FAM210B: variants seen among roughly 807,000 people sequenced by gnomAD.
FAM210B encodes the protein mitochondrial inner membrane scaffold 2, also known as family with sequence similarity 210 member B.
In FAM210B, 11 loss-of-function variants were observed where a neutral mutation model predicts 14.9. The observed-to-expected ratio is 0.74, with a 90% CI of 0.46 to 1.22. FAM210B has a LOEUF of 1.22. FAM210B is among the 50% of genes most tolerant of loss of function. FAM210B has a pLI of 0.00. For synonymous variants in FAM210B, 113 were observed against 110.2 expected, an observed-to-expected ratio of 1.03 and a Z score of -0.16; for missense variants, 229 against 250.1, an observed-to-expected ratio of 0.92 and a Z score of 0.57.
intron 1 of FAM210B, among the ~76,000 whole-genome samples, 175 bp from the exon 2 acceptor site, chr20:56,364,912 C>G (rs541897092): frequency 6.6e-6 from 1 of 152,144 alleles, no homozygotes; most frequent in Non-Finnish European, 1.5e-5. Context: ...CACAATCATG[C>G]CACTGCACTC....
intron 2 of FAM210B, among the ~76,000 whole-genome samples, chr20:56,365,697 G>A (rs1035097723): frequency 6.6e-6 from 1 of 152,148 alleles, no homozygotes; most frequent in Non-Finnish European, 1.5e-5. Context: ...GTAGAGCCAG[G>A]GTTTCACCCT....
chr20:56,360,846 G>C (rs118171780), intron 1 of FAM210B: 2,453 of 153,634 alleles, frequency 0.016, 41 homozygotes, highest in Non-Finnish European at 0.02. Flanking sequence ...AGCAGGGCCT[G>C]GGAGCAGTGC....
Position 56,359,485 on chromosome 20 carries a change from C to T in FAM210B, c.186+294C>T, listed in dbSNP as rs930512922. Among the ~76,000 whole-genome samples the T allele has an allele frequency of 6.6e-6, 1 of 152,208 alleles. No individual in the cohort carries two copies. Among genetic ancestry groups the T allele is most frequent in the African/African-American group, 2.4e-5 (1 of 41,464 alleles). On this transcript the variant is annotated intron_variant, in intron 1 of 2. Transcript: ENST00000371384. This position sits in a 1 kb window ranked among gnomAD's most constrained non-coding sequence, Gnocchi z 4.3. ...AGCCTCAGCCAGGCTGGGGCGCAGCCGACTGACTTGGTCTGAACTTCCACA... is the reference window on the plus strand; with the variant it reads ...AGCCTCAGCCAGGCTGGGGCGCAGCTGACTGACTTGGTCTGAACTTCCACA...
In FAM210B at chr20:56,362,219, G is replaced by A. The variant is rs1313871428; in HGVS notation, c.187-2868G>A. On this transcript the variant is annotated intron_variant, in intron 1 of 2. Transcript: ENST00000371384. This position sits in a 1 kb window ranked among gnomAD's most constrained non-coding sequence, Gnocchi z 4.8. ...AAACAGGTGTCACTCCAAACACTGC[G>A]ATCGGCTTGGCAAGGTCCTTGGCTC... 1.3e-5 allele frequency among the ~76,000 whole-genome samples: 2 copies of A among 152,054 alleles called. No individual in the cohort carries two copies. The highest frequency in any genetic ancestry group is 6.6e-5 in the Admixed American group (1 of 15,266).
rs899469478 is a variant in FAM210B, at chr20:56,366,707, A to G, written c.*420A>G. On this transcript the variant is annotated 3_prime_UTR_variant, in exon 3 of 3. Transcript: ENST00000371384. ...TCCCCTTCCGCTGATATTTGTTGTC[A>G]GCTGCCTACAGTTTAATATGCAGCG... 1 of 172,338 alleles carries G rather than the reference A, an allele frequency of 5.8e-6. No individual in the cohort carries two copies. The highest frequency in any genetic ancestry group is 1.2e-5 in the Non-Finnish European group (1 of 80,444). The allele number at this position is 172,338 out of a possible 1,614,324, so 10.7% of individuals were successfully genotyped here.
chr20:56,361,237 G>T (rs1983526089), intron 1 of FAM210B, among the ~76,000 whole-genome samples: 1 of 152,152 alleles, frequency 6.6e-6, no homozygotes, highest in Non-Finnish European at 1.5e-5. Context: ...TTTTCAGGGA[G>T]ACCTTCCCTG....
chr20:56,364,155 T>G (rs1357080200), intron 1 of FAM210B, among the ~76,000 whole-genome samples: 1 of 152,242 alleles, frequency 6.6e-6, no homozygotes, highest in African/African-American at 2.4e-5. Context: ...GATGAGCACA[T>G]AACCTGGTGG....
rs550490921 is a variant in FAM210B, at chr20:56,361,904, G to A, written c.186+2713G>A. The stretch of plus-strand genomic sequence containing the variant: ...AGGCAGGAGAATCGCTTGAACCCGG[G>A]AGGCGGAGGTTGCAGTGAGCCAAGG... On this transcript the variant is annotated intron_variant, in intron 1 of 2. Transcript: ENST00000371384. 2.4e-3 allele frequency among the ~76,000 whole-genome samples: 367 copies of A among 152,280 alleles called. 4 individuals carry two copies. The highest frequency in any genetic ancestry group is 8.2e-3 in the African/African-American group (341 of 41,556).
chr20:56,364,760 C>T (rs910650803), intron 1 of FAM210B, among the ~76,000 whole-genome samples: 4 of 152,168 alleles, frequency 2.6e-5, no homozygotes, highest in African/African-American at 4.8e-5. Flanking sequence ...CAAGACCAAC[C>T]TGGCTAACAC....
chr20:56,366,259 T>A lies in FAM210B; in HGVS notation c.551T>A (p.Phe184Tyr), dbSNP rs1481279794. ...GTCAGATATTTTCGAAAAGTGGGAT[T>A]TTTTAAACCTCCAGCTGCAAAACCT... ...LIVRYFRKVG[F>Y]FKPPAAKP is the part of the protein sequence containing the mutation. Residue 184 changes from phenylalanine to tyrosine, a missense_variant, in exon 3 of 3, where the codon TTT becomes TAT. Transcript: ENST00000371384. The A allele has an allele frequency of 1.9e-6, 3 of 1,614,098 alleles. No individual in the cohort carries two copies. The African/African-American group carries it at 4.0e-5, about 22-fold the overall frequency.
At chr20:56,361,431 C>T (rs1983529879) in intron 1 of FAM210B, among the ~76,000 whole-genome samples, 1 of 152,190 alleles carries the variant, frequency 6.6e-6, no homozygotes, top group African/African-American at 2.4e-5. Context: ...CTGTCCCCTA[C>T]ACTGAGAACA....
chr20:56,359,853 C>A lies in FAM210B; in HGVS notation c.186+662C>A, dbSNP rs938011266. Among the ~76,000 whole-genome samples, 10 of 152,252 alleles carry A rather than the reference C, an allele frequency of 6.6e-5. No individual in the cohort carries two copies. The highest frequency in any genetic ancestry group is 1.5e-5 in the Non-Finnish European group (1 of 68,038). On this transcript the variant is annotated intron_variant, in intron 1 of 2. Transcript: ENST00000371384. This position sits in a 1 kb window ranked among gnomAD's most constrained non-coding sequence, Gnocchi z 4.3. ...CCAGACACGCGGAGCCGGCGTCCAG[C>A]CCGGAGCGCATCCGGCCTGGCAGTC...
At chr20:56,365,376 C>G in intron 2 of FAM210B, 114 bp downstream of exon 2, 1 of 1,149,906 alleles carries the variant, frequency 8.7e-7, no homozygotes, top group Non-Finnish European at 1.2e-6. Flanking sequence ...ACTCCACTGC[C>G]CAGGCTGGAG....
intron 1 of FAM210B, among the ~76,000 whole-genome samples, chr20:56,364,557 T>C (rs1983592133): frequency 6.6e-6 from 1 of 152,214 alleles, no homozygotes; most frequent in African/African-American, 2.4e-5. Flanking sequence ...AGGTGACATA[T>C]TCACAGATCC....
Position 56,368,461 on chromosome 20 carries a change from G to A in FAM210B, c.*2174G>A, listed in dbSNP as rs1389779398. On this transcript the variant is annotated 3_prime_UTR_variant, in exon 3 of 3. Transcript: ENST00000371384. ...GCAATAAAACAAATCATACCAAAAA[G>A]CCACATTGCTCTCTCCTAAGCCCCA... 1 of 152,118 alleles carries A rather than the reference G, an allele frequency of 6.6e-6. No individual in the cohort carries two copies. The highest frequency in any genetic ancestry group is 1.5e-5 in the Non-Finnish European group (1 of 68,040). 9.4% of individuals were successfully genotyped at this position (152,118 alleles called of 1,614,324 possible). A position where few individuals can be genotyped will look rare whatever the true frequency, so the allele number is the denominator to read the frequency against.
rs140054383 is a variant in FAM210B at position 56,363,552 on chromosome 20, G to A, written c.187-1535G>A. Among the ~76,000 whole-genome samples, 22 of 152,344 alleles carry A rather than the reference G, an allele frequency of 1.4e-4. No individual in the cohort carries two copies. The highest frequency in any genetic ancestry group is 4.8e-4 in the African/African-American group (20 of 41,584). ...TCCAGCCAGGTGCGCATCACCTGCC[G>A]GGACAAGCCCCAGGACTGTCCTTAG... On this transcript the variant is annotated intron_variant, in intron 1 of 2. Coordinates refer to ENST00000371384, the MANE Select transcript of FAM210B (RefSeq NM_080821.3). The surrounding 1 kb of genome is among the most constrained non-coding windows in gnomAD (Gnocchi z 4.1).
In FAM210B at chr20:56,367,225, A is replaced by T. The variant is rs577882759; in HGVS notation, c.*938A>T. 2 of 152,384 alleles carry T rather than the reference A, an allele frequency of 1.3e-5. No individual in the cohort carries two copies. The highest frequency in any genetic ancestry group is 4.1e-4 in the South Asian group (2 of 4,826). 9.4% of individuals were successfully genotyped at this position (152,384 alleles called of 1,614,324 possible). A position where few individuals can be genotyped will look rare whatever the true frequency, so the allele number is the denominator to read the frequency against. On this transcript the variant is annotated 3_prime_UTR_variant, in exon 3 of 3. Coordinates refer to ENST00000371384, the MANE Select transcript of FAM210B (RefSeq NM_080821.3). ...TAGCACTTGTCACAAATAGAAGGCAACCATGAGATAATACAAGCCAGGGAG... is the reference window on the plus strand; with the variant it reads ...TAGCACTTGTCACAAATAGAAGGCATCCATGAGATAATACAAGCCAGGGAG...
At chr20:56,361,300 T>C (rs1369190913) in intron 1 of FAM210B, among the ~76,000 whole-genome samples, 3 of 152,154 alleles carry the variant, frequency 2.0e-5, no homozygotes, top group Admixed American at 1.3e-4. Flanking sequence ...CATTGGTGTT[T>C]CTCTATGGCA....
chr20:56,365,108 A>G lies in FAM210B; in HGVS notation c.208A>G (p.Thr70Ala), dbSNP rs1308374191. 6.2e-7 allele frequency: 1 copy of G among 1,613,526 alleles called. No individual in the cohort carries two copies. Among genetic ancestry groups the G allele is most frequent in the African/African-American group, 1.3e-5 (1 of 75,058 alleles). Residue 70 changes from threonine to alanine, a missense_variant, in exon 2 of 3, where the codon ACA (threonine) becomes GCA (alanine). By Grantham distance (58) the Thr-to-Ala change is moderately conservative. Coordinates refer to ENST00000371384, the MANE Select transcript of FAM210B (RefSeq NM_080821.3). The part of the protein sequence containing the change: ...GHQDPSQATG[T>A]TGSSVSCTEE... ...ACAGGACCCCAGCCAGGCCACGGGG[A>G]CAACAGGCAGCAGCGTCAGCTGCAC... is the stretch of plus-strand genomic sequence containing the variant.
Sources: allele counts gnomAD v4.1 joint callset (sites outside exome capture counted in the v4.1 genomes callset), GRCh38; gene constraint gnomAD v4.1.1; non-coding constraint Gnocchi (gnomAD v3.1); transcripts MANE v1.5; gene names NCBI Gene and HGNC (gene_info 2026-07-23, HGNC 2026-07-21).